PIGN: variants seen among roughly 807,000 people sequenced by gnomAD.
PIGN encodes the protein phosphatidylinositol glycan anchor biosynthesis class N.
Under a neutral mutation model 125.4 loss-of-function variants are expected in PIGN, and 117 were observed. That is an observed-to-expected ratio of 0.93 (90% CI 0.80 to 1.09). The LOEUF is 1.09. PIGN is among the 50% of genes least tolerant of loss of function. The pLI, the probability that PIGN is intolerant of heterozygous loss-of-function variation, is 0.00. For missense variants in PIGN, 1,075 were observed against 1,094.9 expected (o/e 0.98, Z 0.26); for synonymous variants, 392 against 377.8 (o/e 1.04, Z -0.44).
chr18:62,113,257 T>C lies in PIGN; in HGVS notation c.1311A>G (p.Thr437=). 1 of 1,613,030 alleles carries C rather than the reference T, an allele frequency of 6.2e-7. No homozygotes were observed. The highest frequency in any genetic ancestry group is 8.5e-7 in the Non-Finnish European group (1 of 1,179,390). ...LALKGLSYYH[T]YDRFFLGVNV... ...TGACGCCCAAAAAGAATCTGTCATA[T>C]GTGTGATAATAGGACAATCCTTTCA... is the stretch of plus-strand genomic sequence containing the variant. The change falls in exon 16 of 31, where the codon ACA becomes ACG. Residue 437 remains threonine, a synonymous_variant. Transcript: ENST00000640252.
intron 23 of PIGN, among the ~76,000 whole-genome samples, chr18:62,019,217 G>A (rs948841064): frequency 3.3e-5 from 5 of 152,018 alleles, no homozygotes; most frequent in East Asian, 1.9e-4. Flanking sequence ...TTTAAACCCA[G>A]TCTCCCACGT....
At chr18:62,157,504 G>A (rs1168525083) in intron 5 of PIGN, among the ~76,000 whole-genome samples, 183 bp downstream of exon 5, 2 of 152,126 alleles carry the variant, frequency 1.3e-5, no homozygotes, top group Non-Finnish European at 2.9e-5. Flanking sequence ...ACAGGATAAT[G>A]AAATACTAAA....
intron 23 of PIGN, among the ~76,000 whole-genome samples, chr18:62,029,265 T>C (rs976293170): frequency 6.6e-6 from 1 of 152,210 alleles, no homozygotes; most frequent in South Asian, 2.1e-4. Context: ...GAGAACCATT[T>C]GGATCTTCCC....
At chr18:62,033,137 T>TG (rs1202618365) in intron 23 of PIGN, among the ~76,000 whole-genome samples, 2 of 152,202 alleles carry the variant, frequency 1.3e-5, no homozygotes, top group African/African-American at 4.8e-5. Context: ...CTGCCCCAGC[T>TG]GGGCTGCTAA....
intron 17 of PIGN, among the ~76,000 whole-genome samples, chr18:62,108,379 G>C (rs985811203): frequency 2.1e-4 from 32 of 151,936 alleles, no homozygotes; most frequent in Middle Eastern, 3.2e-3. Flanking sequence ...TTCTGTACTA[G>C]ATACAATTTT....
chr18:62,045,118 T>A lies in PIGN; in HGVS notation c.*738A>T, dbSNP rs562434025. On this transcript the variant is annotated 3_prime_UTR_variant, in exon 31 of 31. Coordinates refer to ENST00000640252, the MANE Select transcript of PIGN (RefSeq NM_176787.5). ...GGGGTAACAGATGTTGAGCCTACAA[T>A]TAAAAACTATTTATTTTAAATGTTT... 6.6e-6 allele frequency: 1 copy of A among 151,932 alleles called. No individual in the cohort carries two copies. The highest frequency in any genetic ancestry group is 2.4e-5 in the African/African-American group (1 of 41,322). 9.4% of individuals were successfully genotyped at this position (151,932 alleles called of 1,614,324 possible). A position where few individuals can be genotyped will look rare whatever the true frequency, so the allele number is the denominator to read the frequency against.
intron 30 of PIGN, among the ~76,000 whole-genome samples, chr18:62,063,529 TATC>T (rs2145491766): frequency 6.6e-6 from 1 of 151,368 alleles, no homozygotes; most frequent in East Asian, 2.0e-4. Flanking sequence ...ATTTATCACA[TATC>T]ATGCACATAT....
chr18:62,157,122 C>T lies in PIGN; in HGVS notation c.442+7G>A. Reference sequence around the variant, plus strand: ...CTATCTGAGGAAACATAATCAGTGACTCTTACCTTTGGCAAACATAGGCAG... The same window carrying T: ...CTATCTGAGGAAACATAATCAGTGATTCTTACCTTTGGCAAACATAGGCAG... On this transcript the variant is annotated splice_region_variant and intron_variant, in intron 6 of 30. Transcript: ENST00000640252. 1 of 1,513,720 alleles carries T rather than the reference C, an allele frequency of 6.6e-7. No individual in the cohort carries two copies. The highest frequency in any genetic ancestry group is 9.1e-7 in the Non-Finnish European group (1 of 1,093,618). The allele number at this position is 1,513,720 out of a possible 1,614,324, so 93.8% of individuals were successfully genotyped here. A position where few individuals can be genotyped will look rare whatever the true frequency, so the allele number is the denominator to read the frequency against.
chr18:62,102,501 T>C (rs1242011351), intron 21 of PIGN, among the ~76,000 whole-genome samples: 1 of 148,028 alleles, frequency 6.8e-6, no homozygotes, highest in Non-Finnish European at 1.5e-5. Context: ...ATGAGGACAA[T>C]GTAGAATCTC....
chr18:62,181,818 C>T (rs187049205), intron 1 of PIGN, among the ~76,000 whole-genome samples: 39 of 152,260 alleles, frequency 2.6e-4, no homozygotes, highest in African/African-American at 9.4e-4. Context: ...CCTCCACCTC[C>T]CGGGTTCAAG....
chr18:62,062,447 A>G (rs1199917343), intron 30 of PIGN, among the ~76,000 whole-genome samples: 4 of 152,224 alleles, frequency 2.6e-5, no homozygotes, highest in Non-Finnish European at 5.9e-5. Flanking sequence ...CAATGATGAA[A>G]TACTGAGAAT....
intron 30 of PIGN, chr18:62,052,462 T>G (rs1326559792): frequency 6.7e-6 from 1 of 149,090 alleles, no homozygotes; most frequent in Non-Finnish European, 1.5e-5. Context: ...TGTAATGGCC[T>G]TCTTTGTCTC....
intron 14 of PIGN, among the ~76,000 whole-genome samples, chr18:62,131,090 G>A (rs1392356091): frequency 6.6e-6 from 1 of 152,032 alleles, no homozygotes; most frequent in Non-Finnish European, 1.5e-5. Context: ...TGGTAGAAAG[G>A]TTCACATACA....
At position 62,089,291 on chromosome 18, in the gene PIGN, T is replaced by G. The variant is rs192974452; in HGVS notation, c.2284-449A>C. Among the ~76,000 whole-genome samples the G allele has an allele frequency of 1.4e-3, 218 of 152,264 alleles. 1 individual carries two copies. Among genetic ancestry groups the G allele is most frequent in the Admixed American group, 6.1e-3 (94 of 15,304 alleles). On this transcript the variant is annotated intron_variant, in intron 24 of 30. Coordinates refer to ENST00000640252, the MANE Select transcript of PIGN (RefSeq NM_176787.5). The stretch of plus-strand genomic sequence containing the variant: ...TATTAATTCTATTTGCAGAGAAATT[T>G]TCTTTCTATAAAAAAGCAACATAGT...
At position 62,146,618 on chromosome 18, in the gene PIGN, C is replaced by T. The variant is rs1426594569; in HGVS notation, c.805+353G>A. 5.7e-4 allele frequency among the ~76,000 whole-genome samples: 87 copies of T among 152,168 alleles called. 1 individual carries two copies. Among genetic ancestry groups the T allele is most frequent in the Non-Finnish European group, 5.9e-5 (4 of 68,018 alleles). ...ATCTCACAGGGCGCACAGGCTTACC[C>T]GGGACAGAATTTCAGCAGCCCTCGG... On this transcript the variant is annotated intron_variant, in intron 9 of 30. Coordinates refer to ENST00000640252, the MANE Select transcript of PIGN (RefSeq NM_176787.5).
chr18:62,167,556 T>C (rs113664165), intron 1 of PIGN, among the ~76,000 whole-genome samples: 24,632 of 149,322 alleles, frequency 0.16, 2,709 homozygotes, highest in Middle Eastern at 0.28. Flanking sequence ...CGCTTGAACC[T>C]GCGAGGCAGA....
At chr18:62,169,683 C>T (rs748438112) in intron 1 of PIGN, among the ~76,000 whole-genome samples, 39 of 151,696 alleles carry the variant, frequency 2.6e-4, no homozygotes, top group Non-Finnish European at 5.0e-4. Context: ...TGCAGTCGTA[C>T]GATCACGGCT....
At chr18:62,057,604 G>A (rs1302027298) in intron 30 of PIGN, among the ~76,000 whole-genome samples, 1 of 152,168 alleles carries the variant, frequency 6.6e-6, no homozygotes, top group Admixed American at 6.5e-5. Context: ...ATTGTGGCCA[G>A]TGTTATGTCA....
chr18:62,160,148 T>C lies in PIGN; in HGVS notation c.221+985A>G, dbSNP rs184983458. 7.2e-5 allele frequency among the ~76,000 whole-genome samples: 11 copies of C among 151,950 alleles called. No individual in the cohort carries two copies. In the East Asian group the frequency reaches 1.9e-3, roughly 27 times the overall value. On this transcript the variant is annotated intron_variant, in intron 4 of 30. Transcript: ENST00000640252. ...AAAAGAAAAAGAAAACAGAGTAAAA[T>C]GATAGGAGGTAATGATGACAGATGG...
Sources: gnomAD v4.1 joint callset for allele counts (sites outside exome capture counted in the v4.1 genomes callset) on GRCh38, gnomAD v4.1.1 for gene constraint, MANE v1.5 for transcripts, NCBI Gene and HGNC (gene_info 2026-07-23, HGNC 2026-07-21) for gene names.